RAD51C: variants seen among roughly 807,000 people sequenced by gnomAD.
RAD51C encodes DNA repair protein RAD51 homolog 3.
Under a neutral mutation model 45.0 loss-of-function variants are expected in RAD51C, and 42 were observed. The ratio of observed to expected loss-of-function variants is 0.93; its 90% CI spans 0.73 to 1.21. The LOEUF (loss-of-function observed/expected upper bound fraction) is 1.21, where lower values mean the gene tolerates loss of function less well. Ranked by LOEUF, RAD51C falls within the 50% of genes most tolerant of loss-of-function variation. The pLI is 0.00. For missense variants in RAD51C, 474 were observed against 452.2 expected, an observed-to-expected ratio of 1.05 and a Z score of -0.44; for synonymous variants, 172 against 159.8, an observed-to-expected ratio of 1.08 and a Z score of -0.58.
chr17:58,692,891 T>A, intron 1 of RAD51C, 103 bp downstream of exon 1: 1 of 1,543,512 alleles, frequency 6.5e-7, no homozygotes, highest in East Asian at 2.3e-5. Flanking sequence ...CGTTAGATTC[T>A]GCTTCCTCCC....
chr17:58,725,034 A>G (rs1567811236), intron 7 of RAD51C, among the ~76,000 whole-genome samples: 1 of 152,144 alleles, frequency 6.6e-6, no homozygotes, highest in Non-Finnish European at 1.5e-5. Flanking sequence ...GAATGATTAC[A>G]CTTCTGTATA....
In RAD51C at chr17:58,720,826, C is replaced by T. The variant is rs2143932791; in HGVS notation, c.904+14C>T. 1 of 1,592,936 alleles carries T rather than the reference C, an allele frequency of 6.3e-7. No individual in the cohort carries two copies. Among genetic ancestry groups the T allele is most frequent in the Non-Finnish European group, 8.6e-7 (1 of 1,162,788 alleles). ...TTCCTGCATTAGGTGGGTAATTAAT[C>T]AGATAAACATTTTAGTTTATCACAG... On this transcript the variant is annotated intron_variant, in intron 6 of 8. Coordinates refer to ENST00000337432, the MANE Select transcript of RAD51C (RefSeq NM_058216.3).
chr17:58,700,547 A>G lies in RAD51C; in HGVS notation c.572-2649A>G, dbSNP rs1221677864. ...AAGCTCTGCCTCCTGGGTTCACGCC[A>G]TTCTCCTGCCTCAGCCTCCCAAGTA... On this transcript the variant is annotated intron_variant, in intron 3 of 8. Coordinates refer to ENST00000337432, the MANE Select transcript of RAD51C (RefSeq NM_058216.3). Among the ~76,000 whole-genome samples the G allele has an allele frequency of 2.0e-5, 3 of 152,040 alleles. No homozygotes were observed. The East Asian group carries it at 5.8e-4, about 30-fold the overall frequency.
intron 7 of RAD51C, among the ~76,000 whole-genome samples, chr17:58,730,284 C>T (rs2144028686): frequency 6.6e-6 from 1 of 151,734 alleles, no homozygotes; most frequent in African/African-American, 2.4e-5. Context: ...CCTACCTCAG[C>T]CTCCTCAGTA....
chr17:58,731,482 C>T (rs376657769), intron 7 of RAD51C, among the ~76,000 whole-genome samples: 17 of 152,166 alleles, frequency 1.1e-4, no homozygotes, highest in African/African-American at 3.9e-4. Flanking sequence ...TGGTCTCGAA[C>T]TCCCGACCTC....
chr17:58,709,711 TCC>T (rs2048487817), intron 4 of RAD51C, 146 bp from the exon 5 acceptor site: 1 of 705,104 alleles, frequency 1.4e-6, no homozygotes, highest in Non-Finnish European at 2.3e-6. Flanking sequence ...TATTTACTGT[TCC>T]AGGCATTGGG....
At chr17:58,695,792 G>A (rs561566591) in intron 2 of RAD51C, among the ~76,000 whole-genome samples, 275 of 151,910 alleles carry the variant, frequency 1.8e-3, no homozygotes, top group African/African-American at 6.3e-3. Flanking sequence ...AGAGGCCGGG[G>A]ATGGTGGCTC....
chr17:58,696,578 G>A (rs926894467), intron 2 of RAD51C, 115 bp from the exon 3 acceptor site: 1 of 1,220,632 alleles, frequency 8.2e-7, no homozygotes, highest in East Asian at 2.4e-5. Context: ...GCCTTGGGGA[G>A]TATATTTACA....
intron 8 of RAD51C, among the ~76,000 whole-genome samples, chr17:58,733,300 G>A (rs1231713321): frequency 6.6e-6 from 1 of 152,084 alleles, no homozygotes; most frequent in African/African-American, 2.4e-5. Flanking sequence ...ACAGGCGTGA[G>A]CCACCGAGCC....
chr17:58,720,285 G>A (rs1473463441), intron 5 of RAD51C, among the ~76,000 whole-genome samples: 1 of 150,508 alleles, frequency 6.6e-6, no homozygotes, highest in Non-Finnish European at 1.5e-5. Flanking sequence ...GTGTGGTGGT[G>A]GGCGCCTGTA....
intron 5 of RAD51C, among the ~76,000 whole-genome samples, chr17:58,716,800 T>C (rs1358734486): frequency 1.4e-5 from 2 of 146,810 alleles, no homozygotes; most frequent in South Asian, 2.2e-4. Context: ...AGACGGAGTC[T>C]CGCTCTGTCA....
At chr17:58,722,402 A>G (rs2048948139) in intron 6 of RAD51C, among the ~76,000 whole-genome samples, 1 of 152,230 alleles carries the variant, frequency 6.6e-6, no homozygotes, top group Non-Finnish European at 1.5e-5. Context: ...CCCTTGCTAC[A>G]TGTGGCTATT....
chr17:58,714,532 C>T (rs892191646), intron 5 of RAD51C, among the ~76,000 whole-genome samples: 12 of 152,274 alleles, frequency 7.9e-5, no homozygotes, highest in African/African-American at 2.6e-4. Context: ...GATCTTGGCT[C>T]ACTGCAACCT....
chr17:58,698,778 C>T (rs1019168122), intron 3 of RAD51C, among the ~76,000 whole-genome samples: 4 of 150,990 alleles, frequency 2.6e-5, no homozygotes, highest in Admixed American at 6.6e-5. Context: ...AAAAATTAGC[C>T]GAGCATGGTG....
chr17:58,694,032 CTT>C (rs1353731726), intron 1 of RAD51C: 2 of 152,144 alleles, frequency 1.3e-5, no homozygotes, highest in African/African-American at 4.8e-5. Context: ...TTGCCATTTT[CTT>C]TTCTCAGGCC....
At position 58,712,361 on chromosome 17, in the gene RAD51C, A is replaced by G. The variant is rs1054274568; in HGVS notation, c.837+2371A>G. Among the ~76,000 whole-genome samples the G allele has an allele frequency of 4.1e-4, 62 of 151,610 alleles. No individual in the cohort carries two copies. The South Asian group carries it at 4.6e-3, about 11-fold the overall frequency. On this transcript the variant is annotated intron_variant, in intron 5 of 8. Coordinates refer to ENST00000337432, the MANE Select transcript of RAD51C (RefSeq NM_058216.3). ...CTCCATCTCAAAAAAAAAAAAAAAA[A>G]AAAAGAAATTTTAAGTTATGTATGC... is the stretch of plus-strand genomic sequence containing the variant.
At chr17:58,712,788 C>T (rs1255660417) in intron 5 of RAD51C, among the ~76,000 whole-genome samples, 2 of 150,932 alleles carry the variant, frequency 1.3e-5, no homozygotes, top group Non-Finnish European at 2.9e-5. Flanking sequence ...CACTGCACTC[C>T]AGCCTGGGCG....
At chr17:58,726,741 C>G (rs2049168839) in intron 7 of RAD51C, among the ~76,000 whole-genome samples, 1 of 151,942 alleles carries the variant, frequency 6.6e-6, no homozygotes, top group Non-Finnish European at 1.5e-5. Context: ...ATAGTGTTAC[C>G]AGATGAGATC....
At position 58,694,972 on chromosome 17, in the gene RAD51C, AT is replaced by A. The variant is rs1297564070; in HGVS notation, c.189del (p.Ile64SerfsTer37). 1 of 1,614,172 alleles carries A rather than the reference AT, an allele frequency of 6.2e-7. No individual in the cohort carries two copies. The highest frequency in any genetic ancestry group is 1.1e-5 in the South Asian group (1 of 91,080). On this transcript the variant is annotated frameshift_variant, in exon 2 of 9. Transcript: ENST00000337432. LOFTEE classifies it high-confidence loss of function. ...AGCAGAAGCCTTAGAAACTCTGCAA[AT>A]TATCAGAAGAGAATGTCTCACAAAT... Reference protein sequence around the residue: ...SKAEALETLQIIRRECLTNKP... With the variant: ...SKAEALETLQXIRRECLTNKP...
Sources: allele counts gnomAD v4.1 joint callset (sites outside exome capture counted in the v4.1 genomes callset), GRCh38; gene constraint gnomAD v4.1.1; transcripts MANE v1.5; gene names NCBI Gene and HGNC (gene_info 2026-07-23, HGNC 2026-07-21).